The following FOXP1 variants were observed in gnomAD, a reference collection of about 807,000 sequenced individuals.
FOXP1 encodes the protein forkhead box protein P1.
In FOXP1, 15 loss-of-function variants were observed where a neutral mutation model predicts 98.2. The observed-to-expected ratio is 0.15, with a 90% CI of 0.10 to 0.24. The LOEUF is 0.24. FOXP1 is among the 10% of genes least tolerant of loss of function. The pLI is 1.00. For missense variants in FOXP1, 633 were observed against 848.5 expected (o/e 0.75, Z 3.15); for synonymous variants, 371 against 314.5 (o/e 1.18, Z -1.90).
chr3:71,012,623 C>CA (rs1460090828), intron 12 of FOXP1, among the ~76,000 whole-genome samples: 3 of 152,030 alleles, frequency 2.0e-5, no homozygotes, highest in Non-Finnish European at 4.4e-5. Flanking sequence ...TTATATTCAC[C>CA]AAAACTGCTT....
At chr3:71,281,080 G>A (rs112830035) in intron 5 of FOXP1, among the ~76,000 whole-genome samples, 6,048 of 144,418 alleles carry the variant, frequency 0.042, 161 homozygotes, top group South Asian at 0.073. Flanking sequence ...AGAAGAAAAA[G>A]TAGCCAGGCG....
chr3:71,160,887 G>A (rs1024259530), intron 6 of FOXP1, among the ~76,000 whole-genome samples: 4 of 152,214 alleles, frequency 2.6e-5, no homozygotes, highest in African/African-American at 9.6e-5. Flanking sequence ...TCATACCAAT[G>A]TAGATTGAAC....
At position 70,958,225 on chromosome 3, in the gene FOXP1, AAAG is replaced by A. The variant is rs2032309687; in HGVS notation, c.*1019_*1021del. 2.1e-6 allele frequency: 1 copy of A among 479,516 alleles called. No homozygotes were observed. Among genetic ancestry groups the A allele is most frequent in the South Asian group, 1.8e-5 (1 of 55,172 alleles). The allele number at this position is 479,516 out of a possible 1,614,324, so 29.7% of individuals were successfully genotyped here. On this transcript the variant is annotated 3_prime_UTR_variant, in exon 21 of 21. Coordinates refer to ENST00000649528, the MANE Select transcript of FOXP1 (RefSeq NM_001349338.3). ...AAAAAAAAAAGAAAAGAAAAGAAAAAAAGAAAATCCGAAACACCCCTCCCCCGA... is the reference window on the plus strand; with the variant it reads ...AAAAAAAAAAGAAAAGAAAAGAAAAAAAAATCCGAAACACCCCTCCCCCGA...
At chr3:71,365,140 G>C (rs1342579326) in intron 3 of FOXP1, among the ~76,000 whole-genome samples, 2 of 152,046 alleles carry the variant, frequency 1.3e-5, no homozygotes, top group African/African-American at 4.8e-5. Flanking sequence ...ATTGATTGAG[G>C]GTTTTGCACA....
intron 6 of FOXP1, among the ~76,000 whole-genome samples, chr3:71,190,909 T>C (rs566626365): frequency 1.5e-3 from 225 of 152,296 alleles, no homozygotes; most frequent in Non-Finnish European, 2.9e-3. Context: ...TTACAATAGA[T>C]TTGAGTTCAA....
intron 2 of FOXP1, chr3:71,580,687 G>A: frequency 1.7e-6 from 1 of 596,076 alleles, no homozygotes; most frequent in Non-Finnish European, 2.1e-6. Flanking sequence ...TGGGGGAAAG[G>A]GGATGGAATG....
intron 5 of FOXP1, among the ~76,000 whole-genome samples, chr3:71,231,547 G>A (rs1020299329): frequency 5.3e-5 from 8 of 152,176 alleles, no homozygotes; most frequent in Non-Finnish European, 4.4e-5. Context: ...TGACTCAGTG[G>A]TTATTTTGGA....
chr3:71,110,709 C>A (rs1006595187), intron 7 of FOXP1, among the ~76,000 whole-genome samples: 1 of 152,200 alleles, frequency 6.6e-6, no homozygotes, highest in Non-Finnish European at 1.5e-5. Flanking sequence ...AGTCTGACTA[C>A]GGAAACTGTT....
At chr3:71,130,533 C>A (rs1381594771) in intron 6 of FOXP1, 2 of 1,598,338 alleles carry the variant, frequency 1.3e-6, no homozygotes, top group Non-Finnish European at 1.7e-6. Context: ...GGAGCCCGTA[C>A]TGTCTGCCTT....
chr3:71,414,292 C>T (rs2083027311), intron 3 of FOXP1, among the ~76,000 whole-genome samples: 1 of 152,218 alleles, frequency 6.6e-6, no homozygotes, highest in South Asian at 2.1e-4. Flanking sequence ...ATCAGGTTCC[C>T]AGTGCAACAA....
chr3:71,232,291 G>A (rs1407084590), intron 5 of FOXP1, among the ~76,000 whole-genome samples: 1 of 152,208 alleles, frequency 6.6e-6, no homozygotes. Flanking sequence ...ATTATCAGTG[G>A]CTGGCACTCC....
intron 6 of FOXP1, among the ~76,000 whole-genome samples, chr3:71,122,893 T>C (rs932821503): frequency 1.3e-5 from 2 of 152,182 alleles, no homozygotes; most frequent in African/African-American, 2.4e-5. Flanking sequence ...TCTTGGCAAA[T>C]GGCTATGCAG....
chr3:70,990,227 T>C (rs1049367562), intron 13 of FOXP1, among the ~76,000 whole-genome samples: 1 of 152,228 alleles, frequency 6.6e-6, no homozygotes, highest in Non-Finnish European at 1.5e-5. Flanking sequence ...ATCATACTCT[T>C]GAATGAGTTT....
chr3:71,195,409 G>T (rs181735929), intron 6 of FOXP1, among the ~76,000 whole-genome samples: 1 of 152,060 alleles, frequency 6.6e-6, no homozygotes, highest in Non-Finnish European at 1.5e-5. Context: ...AACTCTCCCC[G>T]TATCCTCAAT....
chr3:71,203,338 G>T (rs1000441068), intron 5 of FOXP1, among the ~76,000 whole-genome samples: 4 of 152,208 alleles, frequency 2.6e-5, no homozygotes, highest in African/African-American at 9.6e-5. Context: ...TTTTTGTGCT[G>T]GAGGGACTTG....
intron 6 of FOXP1, among the ~76,000 whole-genome samples, chr3:71,133,447 G>C (rs781306613): frequency 2.6e-5 from 4 of 152,162 alleles, no homozygotes; most frequent in Non-Finnish European, 5.9e-5. Flanking sequence ...TCCTGGACTT[G>C]AATGTCACCA....
chr3:71,290,191 G>C (rs1336259039), intron 5 of FOXP1, among the ~76,000 whole-genome samples: 1 of 152,098 alleles, frequency 6.6e-6, no homozygotes, highest in African/African-American at 2.4e-5. Flanking sequence ...CTGTCTTGCT[G>C]TATTTTAGTG....
chr3:71,100,648 T>A (rs568123969), intron 7 of FOXP1, among the ~76,000 whole-genome samples: 15 of 152,306 alleles, frequency 9.8e-5, no homozygotes, highest in African/African-American at 2.4e-4. Flanking sequence ...CACAATTTAA[T>A]CACCAAAGGT....
intron 7 of FOXP1, among the ~76,000 whole-genome samples, chr3:71,054,060 A>G (rs1227387333): frequency 6.6e-6 from 1 of 152,252 alleles, no homozygotes; most frequent in Non-Finnish European, 1.5e-5. Context: ...AAGATACGAC[A>G]GTTCTCAATT....
Sources: gnomAD v4.1 joint callset for allele counts (sites outside exome capture counted in the v4.1 genomes callset) on GRCh38, gnomAD v4.1.1 for gene constraint, MANE v1.5 for transcripts, NCBI Gene and HGNC (gene_info 2026-07-23, HGNC 2026-07-21) for gene names.